Variants in WWOX observed in about 807,000 individuals in gnomAD.
WWOX encodes the protein WW domain containing oxidoreductase.
Under a neutral mutation model 46.2 loss-of-function variants are expected in WWOX, and 69 were observed. That is an observed-to-expected ratio of 1.49 (90% confidence interval 1.23 to 1.82). The LOEUF (loss-of-function observed/expected upper bound fraction) is 1.82, where lower values mean the gene tolerates loss of function less well. Among genes scored for constraint, WWOX ranks in the 40% most tolerant of loss-of-function variants. WWOX has a pLI of 0.00. For missense variants in WWOX, 919 were observed against 542.6 expected, an observed-to-expected ratio of 1.69 and a Z score of -6.89; for synonymous variants, 359 against 202.6, an observed-to-expected ratio of 1.77 and a Z score of -6.56.
chr16:79,032,428 A>G (rs1387145347), intron 8 of WWOX, among the ~76,000 whole-genome samples: 1 of 147,252 alleles, frequency 6.8e-6, no homozygotes, highest in Non-Finnish European at 1.5e-5. Flanking sequence ...TATTATGTTG[A>G]GAGTGTATAT....
intron 8 of WWOX, among the ~76,000 whole-genome samples, chr16:78,937,258 C>G (rs2045757373): frequency 2.0e-5 from 3 of 152,038 alleles, no homozygotes; most frequent in Non-Finnish European, 2.9e-5. Flanking sequence ...CTGAAAGTGA[C>G]CCAAATAATA....
intron 5 of WWOX, among the ~76,000 whole-genome samples, chr16:78,268,691 C>G (rs1273313838): frequency 1.3e-5 from 2 of 152,148 alleles, no homozygotes; most frequent in Non-Finnish European, 2.9e-5. Context: ...TCTCCACAGG[C>G]TTCCCCAAAC....
At chr16:78,186,684 G>C (rs917237649) in intron 5 of WWOX, among the ~76,000 whole-genome samples, 2 of 152,212 alleles carry the variant, frequency 1.3e-5, no homozygotes, top group African/African-American at 4.8e-5. Flanking sequence ...AGAATTGCTT[G>C]AACTTGGGAG....
intron 8 of WWOX, among the ~76,000 whole-genome samples, chr16:78,852,068 C>G (rs919885410): frequency 1.3e-5 from 2 of 152,226 alleles, no homozygotes; most frequent in East Asian, 1.9e-4. Flanking sequence ...TGTATTTCTT[C>G]AAGATGACTT....
At chr16:78,884,273 CAAA>C (rs71384384) in intron 8 of WWOX, among the ~76,000 whole-genome samples, 11 of 46,600 alleles carry the variant, frequency 2.4e-4, no homozygotes, top group Middle Eastern at 0.011. Context: ...ACCCTGTCTC[CAAA>C]AAAAAAAAAA....
chr16:78,271,349 C>T (rs1272073583), intron 5 of WWOX, among the ~76,000 whole-genome samples: 2 of 152,168 alleles, frequency 1.3e-5, no homozygotes, highest in Admixed American at 6.5e-5. Context: ...CTCTTGCTTC[C>T]GTCACCTCGT....
chr16:78,874,452 A>G (rs888746654), intron 8 of WWOX, among the ~76,000 whole-genome samples: 1 of 151,896 alleles, frequency 6.6e-6, no homozygotes, highest in African/African-American at 2.4e-5. Flanking sequence ...GCTACCTCCA[A>G]CTGGGTCGAT....
chr16:78,705,346 CA>C (rs1445975010), intron 8 of WWOX, among the ~76,000 whole-genome samples: 2 of 152,230 alleles, frequency 1.3e-5, no homozygotes, highest in East Asian at 3.9e-4. Context: ...ATATGAAAAA[CA>C]ACACAAAACA....
At chr16:78,792,430 C>G (rs573541540) in intron 8 of WWOX, among the ~76,000 whole-genome samples, 2 of 152,298 alleles carry the variant, frequency 1.3e-5, no homozygotes, top group African/African-American at 4.8e-5. Flanking sequence ...CTTCTTCATT[C>G]TGGGCCAGAG....
intron 8 of WWOX, among the ~76,000 whole-genome samples, chr16:78,648,321 C>G (rs1400036166): frequency 6.6e-6 from 1 of 152,194 alleles, no homozygotes; most frequent in East Asian, 1.9e-4. Flanking sequence ...TAAGGAAACG[C>G]TGGTGGGTGC....
intron 8 of WWOX, among the ~76,000 whole-genome samples, chr16:78,514,062 C>G (rs940588615): frequency 8.5e-5 from 13 of 152,106 alleles, no homozygotes; most frequent in South Asian, 2.1e-4. Flanking sequence ...GAAACCTATT[C>G]TGTTAATAGA....
intron 8 of WWOX, among the ~76,000 whole-genome samples, chr16:78,961,446 T>C (rs984942660): frequency 1.3e-5 from 2 of 151,704 alleles, no homozygotes; most frequent in African/African-American, 4.9e-5. Context: ...CATGGATGGA[T>C]GGATGGATGG....
intron 8 of WWOX, chr16:78,691,324 T>C (rs1350356911): frequency 1.4e-6 from 1 of 700,388 alleles, no homozygotes; most frequent in Admixed American, 2.0e-5. Context: ...GATTTACAAT[T>C]ATTTCATTTT....
chr16:78,968,649 G>T (rs1408391827), intron 8 of WWOX, among the ~76,000 whole-genome samples: 4 of 152,200 alleles, frequency 2.6e-5, no homozygotes, highest in Admixed American at 2.6e-4. Flanking sequence ...ACAAGCCCCA[G>T]CTGCCAAGGA....
intron 8 of WWOX, among the ~76,000 whole-genome samples, chr16:78,791,043 T>TG (rs1394794347): frequency 2.0e-4 from 19 of 95,850 alleles, no homozygotes; most frequent in African/African-American, 7.5e-4. Flanking sequence ...AAAAAAAAAG[T>TG]GAAAAAAAGG....
intron 4 of WWOX, 119 bp from the exon 5 acceptor site, chr16:78,164,064 A>C: frequency 1.1e-6 from 1 of 951,652 alleles, no homozygotes. Context: ...CCTGGGGATC[A>C]AAATCACCCC....
At chr16:79,107,110 C>G (rs1046053521) in intron 8 of WWOX, among the ~76,000 whole-genome samples, 2 of 152,138 alleles carry the variant, frequency 1.3e-5, no homozygotes, top group African/African-American at 4.8e-5. Context: ...CGCTCCCAGC[C>G]TTTAACTTTT....
intron 3 of WWOX, among the ~76,000 whole-genome samples, chr16:78,112,752 T>A (rs903095931): frequency 1.3e-5 from 2 of 151,054 alleles, no homozygotes; most frequent in African/African-American, 4.9e-5. Flanking sequence ...AGGGCTGAGG[T>A]GCAGTGACAC....
chr16:78,132,925 G>C (rs995629353), intron 4 of WWOX, among the ~76,000 whole-genome samples: 5 of 152,154 alleles, frequency 3.3e-5, no homozygotes, highest in African/African-American at 4.8e-5. Flanking sequence ...CACAGTATTT[G>C]AACATGAAGT....
Sources: allele counts gnomAD v4.1 joint callset (sites outside exome capture counted in the v4.1 genomes callset), GRCh38; gene constraint gnomAD v4.1.1; transcripts MANE v1.5; gene names NCBI Gene and HGNC (gene_info 2026-07-23, HGNC 2026-07-21).